The following KNL1 variants were observed in gnomAD, a reference collection of about 807,000 sequenced individuals.
KNL1 encodes kinetochore scaffold 1.
A neutral mutation model predicts 201.3 loss-of-function variants in KNL1; 66 were observed. The ratio of observed to expected loss-of-function variants is 0.33; its 90% CI spans 0.27 to 0.40. The LOEUF is 0.40. Ranked by LOEUF, KNL1 falls within the 10% of genes least tolerant of loss-of-function variation. KNL1 has a pLI of 1.00. For missense variants in KNL1, 2,815 were observed against 2,690.5 expected (o/e 1.05, Z -1.02); for synonymous variants, 895 against 899.2 (o/e 1.00, Z 0.08).
At chr15:40,632,062 A>T (rs757701666) in intron 13 of KNL1, among the ~76,000 whole-genome samples, 3 of 151,908 alleles carry the variant, frequency 2.0e-5, no homozygotes, top group Admixed American at 6.6e-5. Flanking sequence ...AAGACAATAA[A>T]ATAAGAAAAC....
intron 3 of KNL1, 140 bp from the exon 4 acceptor site, chr15:40,606,253 A>T: frequency 1.7e-6 from 1 of 592,290 alleles, no homozygotes; most frequent in Non-Finnish European, 3.1e-6. Flanking sequence ...CACACGGTAT[A>T]GCATTGAGCA....
Position 40,641,031 on chromosome 15 carries a change from T to C in KNL1, c.5798+4T>C, listed in dbSNP as rs780007434. 5 of 1,573,288 alleles carry C rather than the reference T, an allele frequency of 3.2e-6. No individual in the cohort carries two copies. The African/African-American group carries it at 5.4e-5, about 17-fold the overall frequency. ...CTCGTCGCCAAAAGATTGAAGAGTA[T>C]GAAAGCTTTAATTTTTATGTGTGTT... is the stretch of plus-strand genomic sequence containing the variant. On this transcript the variant is annotated splice_donor_region_variant and intron_variant, in intron 14 of 25. Transcript: ENST00000399668.
rs369726347 is a variant in KNL1, at chr15:40,647,126, C to T, written c.6094+52C>T. The T allele has an allele frequency of 8.0e-5, 70 of 877,888 alleles. 1 individual carries two copies. Among genetic ancestry groups the T allele is most frequent in the African/African-American group, 7.3e-4 (44 of 60,182 alleles). The allele number at this position is 877,888 out of a possible 1,614,324, so 54.4% of individuals were successfully genotyped here. A position where few individuals can be genotyped will look rare whatever the true frequency, so the allele number is the denominator to read the frequency against. ...AAGAAAATTTAATTTTATCTAAATGCTCTCCTACAGTAGAGAATGTTGGTA... is the reference window on the plus strand; with the variant it reads ...AAGAAAATTTAATTTTATCTAAATGTTCTCCTACAGTAGAGAATGTTGGTA... On this transcript the variant is annotated intron_variant, in intron 17 of 25. Coordinates refer to ENST00000399668, the MANE Select transcript of KNL1 (RefSeq NM_144508.5).
chr15:40,646,877 AAG>A, intron 16 of KNL1, 108 bp from the exon 17 acceptor site: 14 of 480,582 alleles, frequency 2.9e-5, no homozygotes, highest in Admixed American at 7.2e-5. Flanking sequence ...AAAAAAAAAA[AAG>A]ATTTGCCTGT....
intron 17 of KNL1, among the ~76,000 whole-genome samples, chr15:40,649,085 G>A (rs1173724494): frequency 6.7e-6 from 1 of 148,896 alleles, no homozygotes; most frequent in African/African-American, 2.5e-5. Context: ...TGATCCGCCC[G>A]CCTCGGCCTC....
rs1340735143 is a variant in KNL1, at chr15:40,610,239, T to C, written c.198-6T>C. 1 of 1,442,848 alleles carries C rather than the reference T, an allele frequency of 6.9e-7. No individual in the cohort carries two copies. The highest frequency in any genetic ancestry group is 9.7e-7 in the Non-Finnish European group (1 of 1,026,752). The allele number at this position is 1,442,848 out of a possible 1,614,324, so 89.4% of individuals were successfully genotyped here. On this transcript the variant is annotated splice_polypyrimidine_tract_variant and splice_region_variant and intron_variant, in intron 5 of 25. Coordinates refer to ENST00000399668, the MANE Select transcript of KNL1 (RefSeq NM_144508.5). ...GGTTTTCAATAATCTTTATTTTCTCTTCTAGGGTATTCCAGACGGAGTCTC... is the reference window on the plus strand; with the variant it reads ...GGTTTTCAATAATCTTTATTTTCTCCTCTAGGGTATTCCAGACGGAGTCTC...
rs1008601195 is a variant in KNL1, at chr15:40,627,419, C to T, written c.5377-651C>T. On this transcript the variant is annotated intron_variant, in intron 10 of 25. Coordinates refer to ENST00000399668, the MANE Select transcript of KNL1 (RefSeq NM_144508.5). Reference sequence around the variant, plus strand: ...GTTCCAGCTACTCAGGAGACTGAGGCAGGAGAATGGCGTGAACCCGGGAGG... The same window carrying T: ...GTTCCAGCTACTCAGGAGACTGAGGTAGGAGAATGGCGTGAACCCGGGAGG... Among the ~76,000 whole-genome samples, 3 of 151,142 alleles carry T rather than the reference C, an allele frequency of 2.0e-5. No homozygotes were observed. In the South Asian group the frequency reaches 6.3e-4, roughly 32 times the overall value.
chr15:40,638,669 T>A (rs146751741), intron 13 of KNL1, among the ~76,000 whole-genome samples: 3,006 of 151,732 alleles, frequency 0.02, 98 homozygotes, highest in African/African-American at 0.07. Flanking sequence ...TTTTTGTATT[T>A]TTTAGTAGAG....
At position 40,625,191 on chromosome 15, in the gene KNL1, G is replaced by T. The variant is rs764412256; in HGVS notation, c.4927G>T (p.Asp1643Tyr). ...TSLPPKTVFK[D>Y]KVRRCSLGIF... ...TCTACCGCCAAAGACAGTTTTTAAA[G>T]ATAAAGTAAGGAGATGTTCTTTGGG... Residue 1643 changes from aspartate (D) to tyrosine (Y), a missense_variant, in exon 10 of 26, where the codon GAT (aspartate) becomes TAT (tyrosine). This residue lies in a region of KNL1 where 2,464 missense variants were observed against 2,291.7 expected (regional missense o/e 1.08). Coordinates refer to ENST00000399668, the MANE Select transcript of KNL1 (RefSeq NM_144508.5). 25 of 1,613,930 alleles carry T rather than the reference G, an allele frequency of 1.5e-5. No homozygotes were observed. The highest frequency in any genetic ancestry group is 2.0e-5 in the Non-Finnish European group (24 of 1,179,928).
chr15:40,648,140 T>C (rs932796668), intron 17 of KNL1, among the ~76,000 whole-genome samples: 1 of 152,222 alleles, frequency 6.6e-6, no homozygotes, highest in Non-Finnish European at 1.5e-5. Flanking sequence ...GGTGAGGGCA[T>C]CTTTAGCCTC....
intron 25 of KNL1, among the ~76,000 whole-genome samples, chr15:40,661,040 G>T (rs1457814216): frequency 6.6e-6 from 1 of 152,078 alleles, no homozygotes; most frequent in Non-Finnish European, 1.5e-5. Context: ...TGACTTTTTA[G>T]ATGCACTGCT....
rs554545659 is a variant in KNL1 at position 40,663,441 on chromosome 15, T to A, written c.*1253T>A. Reference sequence around the variant, plus strand: ...TATATGTAAATATATTAATGTTGTTTTTGTGTTTGTGATGTAGTAAGGAGA... The same window carrying A: ...TATATGTAAATATATTAATGTTGTTATTGTGTTTGTGATGTAGTAAGGAGA... On this transcript the variant is annotated 3_prime_UTR_variant, in exon 26 of 26. Transcript: ENST00000399668. 204 of 184,672 alleles carry A rather than the reference T, an allele frequency of 1.1e-3. No individual in the cohort carries two copies. The highest frequency in any genetic ancestry group is 4.6e-3 in the African/African-American group (197 of 42,762). 11.4% of individuals were successfully genotyped at this position (184,672 alleles called of 1,614,324 possible). A position where few individuals can be genotyped will look rare whatever the true frequency, so the allele number is the denominator to read the frequency against.
intron 21 of KNL1, among the ~76,000 whole-genome samples, chr15:40,653,796 A>G (rs1453733158): frequency 6.6e-6 from 1 of 152,122 alleles, no homozygotes; most frequent in African/African-American, 2.4e-5. Flanking sequence ...TCCTTAAATG[A>G]TCATGGTGTT....
intron 25 of KNL1, 152 bp from the exon 26 acceptor site, chr15:40,661,922 T>C: frequency 4.2e-6 from 2 of 481,452 alleles, no homozygotes; most frequent in Non-Finnish European, 7.6e-6. Flanking sequence ...GCGCCTGTAG[T>C]CCCAGCTACT....
At chr15:40,633,302 C>T (rs2141736857) in intron 13 of KNL1, among the ~76,000 whole-genome samples, 1 of 122,240 alleles carries the variant, frequency 8.2e-6, no homozygotes. Context: ...CAGAGCGAAA[C>T]TCTGTCTCAA....
Position 40,625,471 on chromosome 15 carries a change from A to C in KNL1, c.5207A>C (p.Lys1736Thr). The change falls in exon 10 of 26, where the codon AAG becomes ACG. Residue 1736 changes from lysine (K) to threonine (T), a missense_variant. By Grantham distance (78) the Lys-to-Thr change is moderately conservative. Transcript: ENST00000399668. The part of the protein sequence containing the change: ...SDSINIETEE[K>T]ALIETYQKEI... ...TCTATTAACATAGAAACTGAGGAAA[A>C]GGCCTTGATTGAGACATACCAAAAA... The C allele has an allele frequency of 6.2e-7, 1 of 1,613,988 alleles. No individual in the cohort carries two copies. Among genetic ancestry groups the C allele is most frequent in the Non-Finnish European group, 8.5e-7 (1 of 1,179,966 alleles).
intron 19 of KNL1, 142 bp from the exon 20 acceptor site, chr15:40,651,329 G>A: frequency 3.1e-6 from 1 of 321,778 alleles, no homozygotes. Flanking sequence ...TAAGAATGCA[G>A]AAATGGATGC....
Position 40,663,666 on chromosome 15 carries a change from C to CGT in KNL1, c.*1478_*1479insGT. On this transcript the variant is annotated 3_prime_UTR_variant, in exon 26 of 26. Coordinates refer to ENST00000399668, the MANE Select transcript of KNL1 (RefSeq NM_144508.5). ...TGCTGTAAGTATTGTTTTCTGATGC[C>CGT]ATACCCTTGTCATACATATTATTAA... The CGT allele has an allele frequency of 5.1e-6, 1 of 195,514 alleles. No individual in the cohort carries two copies. Among genetic ancestry groups the CGT allele is most frequent in the African/African-American group, 2.3e-5 (1 of 43,288 alleles). 12.1% of individuals were successfully genotyped at this position (195,514 alleles called of 1,614,324 possible).
rs761229445 is a variant in KNL1, at chr15:40,629,254, CT to C, written c.5584-11del. On this transcript the variant is annotated intron_variant, in intron 12 of 25. Coordinates refer to ENST00000399668, the MANE Select transcript of KNL1 (RefSeq NM_144508.5). Reference sequence around the variant, plus strand: ...AAATCACATTGAATGGTCATGCAAACTTTTTTTTCTTTTCTCAGAAACTCCA... The same window carrying C: ...AAATCACATTGAATGGTCATGCAAACTTTTTTTCTTTTCTCAGAAACTCCA... 2.6e-5 allele frequency: 39 copies of C among 1,497,494 alleles called. No individual in the cohort carries two copies. The highest frequency in any genetic ancestry group is 1.1e-4 in the Admixed American group (5 of 44,260). The allele number at this position is 1,497,494 out of a possible 1,614,324, so 92.8% of individuals were successfully genotyped here. A position where few individuals can be genotyped will look rare whatever the true frequency, so the allele number is the denominator to read the frequency against.
Sources: allele counts gnomAD v4.1 joint callset (sites outside exome capture counted in the v4.1 genomes callset), GRCh38; gene constraint gnomAD v4.1.1; regional missense constraint gnomAD v4.1.1; transcripts MANE v1.5; gene names NCBI Gene and HGNC (gene_info 2026-07-23, HGNC 2026-07-21).